The following GUCY1A2 variants were observed in gnomAD, a reference collection of about 807,000 sequenced individuals.
GUCY1A2 encodes guanylate cyclase 1 soluble subunit alpha 2.
Under a neutral mutation model 63.5 loss-of-function variants are expected in GUCY1A2, and 27 were observed. That is an observed-to-expected ratio of 0.43 (90% CI 0.31 to 0.59). The LOEUF (loss-of-function observed/expected upper bound fraction) is 0.59, where lower values mean the gene tolerates loss of function less well. Among genes scored for constraint, GUCY1A2 ranks in the 20% least tolerant of loss-of-function variants. GUCY1A2 has a pLI of 0.11. For synonymous variants in GUCY1A2, 364 were observed against 343.5 expected (o/e 1.06, Z -0.66); for missense variants, 768 against 913.3 (o/e 0.84, Z 2.05).
Position 106,678,506 on chromosome 11 carries a change from T to G in GUCY1A2, c.*9043A>C, listed in dbSNP as rs1341030737. On this transcript the variant is annotated 3_prime_UTR_variant, in exon 8 of 8. Transcript: ENST00000526355. ...GAAGAAAGTCATATTTTGCTAGCTT[T>G]TAAAGAGTGATATTGACCATGAAGA... The G allele has an allele frequency of 4.7e-5, 10 of 213,824 alleles. No homozygotes were observed. The highest frequency in any genetic ancestry group is 1.9e-5 in the Non-Finnish European group (2 of 105,746). 13.2% of individuals were successfully genotyped at this position (213,824 alleles called of 1,614,324 possible).
intron 6 of GUCY1A2, among the ~76,000 whole-genome samples, chr11:106,719,537 A>C (rs1417211341): frequency 6.6e-6 from 1 of 152,240 alleles, no homozygotes; most frequent in Non-Finnish European, 1.5e-5. Flanking sequence ...ATTGTTAAAC[A>C]TAATAATGCT....
At position 106,679,747 on chromosome 11, in the gene GUCY1A2, G is replaced by T; in HGVS notation, c.*7802C>A. On this transcript the variant is annotated 3_prime_UTR_variant, in exon 8 of 8. Coordinates refer to ENST00000526355, the MANE Select transcript of GUCY1A2 (RefSeq NM_000855.3). The stretch of plus-strand genomic sequence containing the variant: ...GTTTTCTGTGGCATATGGCAGAGCT[G>T]GTATTGGGCCTTCTTTGTTCCTTCA... The T allele has an allele frequency of 4.6e-6, 1 of 218,982 alleles. No homozygotes were observed. The highest frequency in any genetic ancestry group is 2.2e-5 in the African/African-American group (1 of 44,582). The allele number at this position is 218,982 out of a possible 1,614,324, so 13.6% of individuals were successfully genotyped here. A position where few individuals can be genotyped will look rare whatever the true frequency, so the allele number is the denominator to read the frequency against.
chr11:106,979,539 C>G (rs1049858724), intron 2 of GUCY1A2, among the ~76,000 whole-genome samples: 1 of 151,592 alleles, frequency 6.6e-6, no homozygotes, highest in African/African-American at 2.4e-5. Context: ...CATGGTCTTA[C>G]CATTTTCTAT....
At chr11:106,948,465 A>T (rs1023101546) in intron 3 of GUCY1A2, among the ~76,000 whole-genome samples, 5 of 152,148 alleles carry the variant, frequency 3.3e-5, no homozygotes, top group African/African-American at 1.2e-4. Flanking sequence ...GAAAAGTGTG[A>T]GATTCAAGTC....
At chr11:106,784,983 C>T (rs1395373550) in intron 5 of GUCY1A2, among the ~76,000 whole-genome samples, 1 of 152,194 alleles carries the variant, frequency 6.6e-6, no homozygotes, top group Admixed American at 6.5e-5. Context: ...TTAACCTACA[C>T]AGGCACTTCA....
At chr11:106,689,335 C>A (rs549676956) in intron 7 of GUCY1A2, among the ~76,000 whole-genome samples, 32 of 151,770 alleles carry the variant, frequency 2.1e-4, no homozygotes, top group East Asian at 5.8e-4. Context: ...TTAAAAAAAA[C>A]CACAAAATGA....
At chr11:106,738,483 G>A (rs963536475) in intron 6 of GUCY1A2, among the ~76,000 whole-genome samples, 3 of 151,982 alleles carry the variant, frequency 2.0e-5, no homozygotes, top group East Asian at 3.9e-4. Context: ...ATGTCCTGAA[G>A]GGTATTGCCT....
At position 106,844,168 on chromosome 11, in the gene GUCY1A2, C is replaced by T. The variant is rs76698649; in HGVS notation, c.1207-33690G>A. On this transcript the variant is annotated intron_variant, in intron 4 of 7. Coordinates refer to ENST00000526355, the MANE Select transcript of GUCY1A2 (RefSeq NM_000855.3). ...TCCTTTGTATTCTGGAATCTGTGGA[C>T]ATAAGTATTTTTAACCTCAGGTACT... Among the ~76,000 whole-genome samples, 892 of 151,808 alleles carry T rather than the reference C, an allele frequency of 5.9e-3. 6 individuals are homozygous for T. Among genetic ancestry groups the T allele is most frequent in the African/African-American group, 0.021 (859 of 41,468 alleles).
intron 4 of GUCY1A2, among the ~76,000 whole-genome samples, chr11:106,855,640 G>A (rs1166033826): frequency 6.6e-6 from 1 of 151,942 alleles, no homozygotes; most frequent in Non-Finnish European, 1.5e-5. Flanking sequence ...AAAAACATTT[G>A]TTGAAAAAAG....
chr11:106,851,281 A>G (rs1483772269), intron 4 of GUCY1A2, among the ~76,000 whole-genome samples: 2 of 151,388 alleles, frequency 1.3e-5, no homozygotes, highest in East Asian at 3.9e-4. Context: ...GTTTGCAAAT[A>G]TTTTCTCCCG....
chr11:106,701,331 T>C (rs1177673976), intron 7 of GUCY1A2, among the ~76,000 whole-genome samples: 2 of 152,060 alleles, frequency 1.3e-5, no homozygotes, highest in Non-Finnish European at 2.9e-5. Context: ...TAGTTAGAAA[T>C]ACAGACACTC....
At chr11:106,911,266 T>C (rs184981888) in intron 4 of GUCY1A2, among the ~76,000 whole-genome samples, 1 of 152,112 alleles carries the variant, frequency 6.6e-6, no homozygotes, top group East Asian at 1.9e-4. Context: ...TGAAGACTAC[T>C]AGAAAACTGA....
intron 3 of GUCY1A2, among the ~76,000 whole-genome samples, chr11:106,954,568 A>AT (rs1030499229): frequency 2.6e-5 from 4 of 151,692 alleles, no homozygotes; most frequent in African/African-American, 9.7e-5. Context: ...ATCCTTTTTA[A>AT]TTTTTTCTCT....
In GUCY1A2 at chr11:106,684,641, C is replaced by A. The variant is rs1310580518; in HGVS notation, c.*2908G>T. 7 of 201,088 alleles carry A rather than the reference C, an allele frequency of 3.5e-5. No homozygotes were observed. In the East Asian group the frequency reaches 5.4e-4, roughly 15 times the overall value. 12.5% of individuals were successfully genotyped at this position (201,088 alleles called of 1,614,324 possible). A position where few individuals can be genotyped will look rare whatever the true frequency, so the allele number is the denominator to read the frequency against. On this transcript the variant is annotated 3_prime_UTR_variant, in exon 8 of 8. Coordinates refer to ENST00000526355, the MANE Select transcript of GUCY1A2 (RefSeq NM_000855.3). ...ATGGCTAGTTATAAGGTGCCTTCTTCCAAACAGCAGCTTAAAAGAATATTA... is the reference window on the plus strand; with the variant it reads ...ATGGCTAGTTATAAGGTGCCTTCTTACAAACAGCAGCTTAAAAGAATATTA...
At chr11:106,825,174 T>A (rs895389598) in intron 4 of GUCY1A2, among the ~76,000 whole-genome samples, 1 of 152,148 alleles carries the variant, frequency 6.6e-6, no homozygotes, top group Non-Finnish European at 1.5e-5. Context: ...AAGGGAAAAA[T>A]TTTTATGTAA....
chr11:106,810,269 T>C lies in GUCY1A2; in HGVS notation c.1416A>G (p.Leu472=), dbSNP rs1459296482. The C allele has an allele frequency of 1.2e-6, 2 of 1,613,950 alleles. No individual in the cohort carries two copies. Among genetic ancestry groups the C allele is most frequent in the Admixed American group, 1.7e-5 (1 of 59,962 alleles). ...QDGLKKRMDK[L]KATLERTHQA... is the part of the protein sequence containing the mutation. Reference sequence around the variant, plus strand: ...GGTGAGTTCTTTCTAAAGTTGCCTTTAATTTATCCATCCTTTTCTTCAACC... The same window carrying C: ...GGTGAGTTCTTTCTAAAGTTGCCTTCAATTTATCCATCCTTTTCTTCAACC... Residue 472 remains leucine (L), a synonymous_variant, in exon 5 of 8, where the codon TTA becomes TTG. Coordinates refer to ENST00000526355, the MANE Select transcript of GUCY1A2 (RefSeq NM_000855.3).
At position 106,827,862 on chromosome 11, in the gene GUCY1A2, G is replaced by T. The variant is rs553126796; in HGVS notation, c.1207-17384C>A. ...GCCGCCGACCACCATGAACTTCCCT[G>T]CAGTCATGGGAGGGCGCGCTGCCTT... is the stretch of plus-strand genomic sequence containing the variant. On this transcript the variant is annotated intron_variant, in intron 4 of 7. Transcript: ENST00000526355. 16 of 1,597,074 alleles carry T rather than the reference G, an allele frequency of 1.0e-5. No individual in the cohort carries two copies. In the Admixed American group the frequency reaches 2.2e-4, roughly 22 times the overall value.
intron 1 of GUCY1A2, among the ~76,000 whole-genome samples, chr11:106,999,360 A>C (rs929560592): frequency 2.0e-5 from 3 of 152,212 alleles, no homozygotes; most frequent in Non-Finnish European, 4.4e-5. Context: ...ATAAAATACC[A>C]AGGCAGAAAC....
At chr11:106,743,737 T>C (rs767036522) in intron 6 of GUCY1A2, among the ~76,000 whole-genome samples, 1 of 152,208 alleles carries the variant, frequency 6.6e-6, no homozygotes, top group Non-Finnish European at 1.5e-5. Flanking sequence ...GGGAAAGCCA[T>C]TCAGTTTGTA....
Sources: allele counts gnomAD v4.1 joint callset (sites outside exome capture counted in the v4.1 genomes callset), GRCh38; gene constraint gnomAD v4.1.1; transcripts MANE v1.5; gene names NCBI Gene and HGNC (gene_info 2026-07-23, HGNC 2026-07-21).